The following TAFA2 variants were observed in gnomAD, a reference collection of about 807,000 sequenced individuals.
TAFA2 encodes TAFA chemokine like family member 2, also known as chemokine-like protein TAFA-2.
Under a neutral mutation model 18.8 loss-of-function variants are expected in TAFA2, and 7 were observed. That is an observed-to-expected ratio of 0.37 (90% CI 0.21 to 0.70). TAFA2 has a LOEUF of 0.70. Ranked by LOEUF, TAFA2 falls within the 30% of genes least tolerant of loss-of-function variation. The pLI is 0.53. For synonymous variants in TAFA2, 60 were observed against 54.2 expected (o/e 1.11, Z -0.47); for missense variants, 122 against 158.1 (o/e 0.77, Z 1.23).
chr12:61,879,499 G>T, intron 1 of TAFA2: 2 of 700,018 alleles, frequency 2.9e-6, no homozygotes. Context: ...CAGCGGTATT[G>T]GAGGGATCAC....
intron 1 of TAFA2, among the ~76,000 whole-genome samples, chr12:61,921,160 A>C (rs78519551): frequency 0.025 from 3,874 of 152,340 alleles, 172 homozygotes; most frequent in African/African-American, 0.088. Context: ...GAACCACAGA[A>C]GTGTTAAAGC....
chr12:62,036,155 C>A (rs1047201678), intron 1 of TAFA2, among the ~76,000 whole-genome samples: 14 of 152,110 alleles, frequency 9.2e-5, no homozygotes, highest in African/African-American at 3.4e-4. Context: ...TTGTGAGAAC[C>A]AAACATGACT....
intron 2 of TAFA2, among the ~76,000 whole-genome samples, chr12:61,789,905 G>A (rs1027176543): frequency 6.6e-6 from 1 of 151,622 alleles, no homozygotes; most frequent in Admixed American, 6.6e-5. Context: ...ATACAAGGAT[G>A]CAACAAAAAG....
In TAFA2 at chr12:62,215,220, T is replaced by C. The variant is rs76652987; in HGVS notation, c.-130+43543A>G. 7.6e-3 allele frequency among the ~76,000 whole-genome samples: 1,153 copies of C among 152,316 alleles called. 6 individuals are homozygous for C. Among genetic ancestry groups the C allele is most frequent in the Non-Finnish European group, 9.0e-3 (613 of 68,020 alleles). ...GTCTACTTGTTCACATTTTGGGTTA[T>C]TGGTAAGTCAATTTTTCACAAATTG... On this transcript the variant is annotated intron_variant, in intron 1 of 5. Coordinates refer to the TAFA2 transcript ENST00000551619.
intron 1 of TAFA2, among the ~76,000 whole-genome samples, chr12:62,235,880 C>T (rs2062834951): frequency 6.6e-6 from 1 of 151,728 alleles, no homozygotes; most frequent in South Asian, 2.1e-4. Flanking sequence ...CTGCACCCAG[C>T]CTATTATAGA....
intron 1 of TAFA2, among the ~76,000 whole-genome samples, chr12:62,070,747 TA>T (rs1882610720): frequency 6.6e-6 from 1 of 152,188 alleles, no homozygotes; most frequent in Non-Finnish European, 1.5e-5. Context: ...CATATTAGTA[TA>T]TTATAAGCTG....
intron 2 of TAFA2, among the ~76,000 whole-genome samples, chr12:61,810,859 A>G (rs890153063): frequency 4.0e-5 from 6 of 151,324 alleles, no homozygotes; most frequent in Non-Finnish European, 8.8e-5. Flanking sequence ...GTGGAAGAAA[A>G]AAGAGTTCAG....
At chr12:62,179,140 A>G (rs1486082238) in intron 1 of TAFA2, among the ~76,000 whole-genome samples, 26 of 152,222 alleles carry the variant, frequency 1.7e-4, no homozygotes. Flanking sequence ...TTCTTATGGA[A>G]ATGAAAGAGA....
intron 4 of TAFA2, among the ~76,000 whole-genome samples, chr12:61,740,645 C>T (rs1868402293): frequency 6.6e-6 from 1 of 151,718 alleles, no homozygotes; most frequent in Non-Finnish European, 1.5e-5. Context: ...TTGAAATACT[C>T]ATGTAAAAAA....
chr12:62,141,224 G>A (rs999832464), intron 1 of TAFA2, among the ~76,000 whole-genome samples: 10 of 152,234 alleles, frequency 6.6e-5, no homozygotes, highest in Admixed American at 5.2e-4. Context: ...TCTCTGAGGA[G>A]GAAAGTTCAG....
intron 1 of TAFA2, among the ~76,000 whole-genome samples, chr12:62,249,663 C>T (rs1306342676): frequency 6.6e-6 from 1 of 152,148 alleles, no homozygotes; most frequent in Non-Finnish European, 1.5e-5. Context: ...CCCATTGTTC[C>T]CTCTCAGACT....
chr12:61,835,117 C>T (rs894937146), intron 2 of TAFA2, among the ~76,000 whole-genome samples: 2 of 151,930 alleles, frequency 1.3e-5, no homozygotes, highest in African/African-American at 4.8e-5. Context: ...CGATTTTAAA[C>T]TTTCCTTTCT....
In TAFA2 at chr12:61,939,626, A is replaced by G. The variant is rs577660092; in HGVS notation, c.-1-72200T>C. 3.9e-5 allele frequency among the ~76,000 whole-genome samples: 6 copies of G among 152,354 alleles called. No individual in the cohort carries two copies. In the South Asian group the frequency reaches 1.2e-3, roughly 32 times the overall value. On this transcript the variant is annotated intron_variant, in intron 1 of 4. Coordinates refer to ENST00000416284, the MANE Select transcript of TAFA2 (RefSeq NM_178539.5). ...AAAGTACAGTCTCTGTCTACTTCAT[A>G]TGCTTGTTTTGTGGAGCAAATGTGA... is the stretch of plus-strand genomic sequence containing the variant.
At chr12:62,104,314 T>G (rs1295175990) in intron 1 of TAFA2, among the ~76,000 whole-genome samples, 1 of 152,116 alleles carries the variant, frequency 6.6e-6, no homozygotes, top group Non-Finnish European at 1.5e-5. Flanking sequence ...CTTTTTCTTT[T>G]TACATAATAT....
intron 2 of TAFA2, among the ~76,000 whole-genome samples, chr12:61,762,960 C>T (rs563458341): frequency 6.6e-6 from 1 of 151,878 alleles, no homozygotes; most frequent in Non-Finnish European, 1.5e-5. Flanking sequence ...GAAATGCGAG[C>T]TAGTTAGTGG....
At chr12:62,006,639 G>A (rs1880561304) in intron 1 of TAFA2, among the ~76,000 whole-genome samples, 2 of 152,120 alleles carry the variant, frequency 1.3e-5, no homozygotes. Flanking sequence ...GATGGATGGA[G>A]CCACCCAATG....
chr12:61,827,422 T>C (rs1872570681), intron 2 of TAFA2, among the ~76,000 whole-genome samples: 1 of 152,070 alleles, frequency 6.6e-6, no homozygotes, highest in South Asian at 2.1e-4. Context: ...TCTCTACCAT[T>C]ACTTGTTCCT....
chr12:62,030,218 G>A (rs1240744298), intron 1 of TAFA2, among the ~76,000 whole-genome samples: 1 of 152,062 alleles, frequency 6.6e-6, no homozygotes. Flanking sequence ...ATGAAGACGG[G>A]GTTGCCATTA....
chr12:62,077,097 A>G (rs1479583425), intron 1 of TAFA2, among the ~76,000 whole-genome samples: 1 of 152,350 alleles, frequency 6.6e-6, no homozygotes, highest in South Asian at 2.1e-4. Context: ...ATTAAGCATA[A>G]AAGGAATTAT....
Sources: gnomAD v4.1 joint callset for allele counts (sites outside exome capture counted in the v4.1 genomes callset) on GRCh38, gnomAD v4.1.1 for gene constraint, MANE v1.5 for transcripts, NCBI Gene and HGNC (gene_info 2026-07-23, HGNC 2026-07-21) for gene names.